GFRA2: variants seen among roughly 807,000 people sequenced by gnomAD.
GFRA2 encodes the protein GDNF family receptor alpha 2.
In GFRA2, 17 loss-of-function variants were observed where a neutral mutation model predicts 48.3. That is an observed-to-expected ratio of 0.35 (90% CI 0.24 to 0.53). GFRA2 has a LOEUF of 0.53. Among genes scored for constraint, GFRA2 ranks in the 20% least tolerant of loss-of-function variants. The pLI is 0.93. For missense variants in GFRA2, 660 were observed against 637.3 expected, an observed-to-expected ratio of 1.04 and a Z score of -0.38; for synonymous variants, 305 against 257.2, an observed-to-expected ratio of 1.19 and a Z score of -1.78.
At chr8:21,794,682 GC>G (rs1468356260) in intron 2 of GFRA2, among the ~76,000 whole-genome samples, 2 of 152,146 alleles carry the variant, frequency 1.3e-5, no homozygotes, top group Non-Finnish European at 2.9e-5. Context: ...CCAGCTAAGT[GC>G]CCTGGGCCTG....
intron 1 of GFRA2, among the ~76,000 whole-genome samples, chr8:21,812,026 A>C (rs1807990443): frequency 6.6e-6 from 1 of 151,218 alleles, no homozygotes; most frequent in South Asian, 2.1e-4. Context: ...GCCATCCCGC[A>C]CTCCCCCCAG....
At chr8:21,713,860 T>A (rs1488045522) in intron 4 of GFRA2, among the ~76,000 whole-genome samples, 2 of 152,184 alleles carry the variant, frequency 1.3e-5, no homozygotes, top group Non-Finnish European at 2.9e-5. Flanking sequence ...GAGCTGGGCT[T>A]GTGGGTACCT....
intron 8 of GFRA2, among the ~76,000 whole-genome samples, chr8:21,694,010 T>C (rs1190514518): frequency 2.1e-5 from 3 of 144,816 alleles, no homozygotes; most frequent in African/African-American, 5.1e-5. Flanking sequence ...ATACATGAGA[T>C]ATATATATTT....
At chr8:21,788,908 A>G, upstream of GFRA2, 1 of 547,394 alleles carries the variant, frequency 1.8e-6, no homozygotes. Context: ...CCCTTCTCCC[A>G]CTCTCCCTGC....
chr8:21,766,672 G>A (rs887999726), intron 3 of GFRA2, among the ~76,000 whole-genome samples: 1 of 131,112 alleles, frequency 7.6e-6, no homozygotes, highest in Admixed American at 7.9e-5. Flanking sequence ...AGGATGAACA[G>A]GGGCCTGGGG....
chr8:21,722,099 G>A (rs566260777), intron 4 of GFRA2, among the ~76,000 whole-genome samples: 2 of 152,216 alleles, frequency 1.3e-5, no homozygotes, highest in Non-Finnish European at 2.9e-5. Flanking sequence ...AAGGATGTGA[G>A]GCTGGGGGTA....
At chr8:21,797,565 A>T (rs1209136604) in intron 2 of GFRA2, 3 of 152,142 alleles carry the variant, frequency 2.0e-5, no homozygotes, top group African/African-American at 7.2e-5. Flanking sequence ...CTATGTTTAC[A>T]TCATCTCCAC....
chr8:21,772,215 G>A (rs1806470238), intron 3 of GFRA2, among the ~76,000 whole-genome samples: 1 of 152,120 alleles, frequency 6.6e-6, no homozygotes, highest in African/African-American at 2.4e-5. Flanking sequence ...ATCTGTGGTG[G>A]GGACTGCATT....
chr8:21,694,315 C>T, intron 8 of GFRA2, 149 bp downstream of exon 8: 3 of 733,182 alleles, frequency 4.1e-6, no homozygotes. Flanking sequence ...CCCACCCCAG[C>T]AGAGTAAGTG....
intron 3 of GFRA2, among the ~76,000 whole-genome samples, chr8:21,759,400 GGA>G (rs1423244304): frequency 0.011 from 1,351 of 126,806 alleles, 24 homozygotes; most frequent in African/African-American, 0.038. Flanking sequence ...AAGAAAGAAA[GGA>G]AGAGAGAGAG....
intron 2 of GFRA2, among the ~76,000 whole-genome samples, chr8:21,799,877 G>A (rs1297034553): frequency 6.6e-6 from 1 of 152,188 alleles, no homozygotes; most frequent in Non-Finnish European, 1.5e-5. Context: ...CTCTCGGGGT[G>A]GGAGATCAAG....
At chr8:21,760,405 A>T (rs780162287) in intron 3 of GFRA2, among the ~76,000 whole-genome samples, 33 of 152,318 alleles carry the variant, frequency 2.2e-4, no homozygotes, top group Non-Finnish European at 3.4e-4. Context: ...CCCATTCTGC[A>T]TATAATTTAG....
chr8:21,761,629 T>C (rs529617708), intron 3 of GFRA2, among the ~76,000 whole-genome samples: 206 of 152,326 alleles, frequency 1.4e-3, no homozygotes, highest in African/African-American at 4.9e-3. Flanking sequence ...CAATCCATAG[T>C]ACACAGGCAA....
At chr8:21,794,326 C>T (rs1026508137) in intron 2 of GFRA2, among the ~76,000 whole-genome samples, 21 of 136,906 alleles carry the variant, frequency 1.5e-4, no homozygotes, top group African/African-American at 4.5e-4. Flanking sequence ...TCTTGGCTTA[C>T]CACAATCTCC....
intron 8 of GFRA2, 139 bp downstream of exon 8, chr8:21,694,325 G>T: frequency 1.3e-6 from 1 of 769,772 alleles, no homozygotes; most frequent in Non-Finnish European, 2.1e-6. Context: ...CAGAGTAAGT[G>T]CCCACCCTGG....
chr8:21,739,235 C>T (rs1289326471), intron 4 of GFRA2, among the ~76,000 whole-genome samples: 1 of 152,132 alleles, frequency 6.6e-6, no homozygotes, highest in Non-Finnish European at 1.5e-5. Context: ...AGTCAATGTC[C>T]TCATTCTGCT....
At chr8:21,728,115 T>A (rs1191262305) in intron 4 of GFRA2, among the ~76,000 whole-genome samples, 1 of 152,058 alleles carries the variant, frequency 6.6e-6, no homozygotes, top group Non-Finnish European at 1.5e-5. Context: ...CAGCACTGAT[T>A]CCAGGTACGG....
intron 4 of GFRA2, among the ~76,000 whole-genome samples, chr8:21,732,126 A>C (rs1032483183): frequency 2.6e-5 from 4 of 152,256 alleles, no homozygotes; most frequent in Non-Finnish European, 5.9e-5. Flanking sequence ...TGCATAGAAC[A>C]TGGTAGACAA....
chr8:21,741,932 A>AAAGAAAGAAAG (rs1554491493), intron 4 of GFRA2, among the ~76,000 whole-genome samples: 40 of 148,850 alleles, frequency 2.7e-4, no homozygotes, highest in African/African-American at 9.5e-4. Context: ...AAAAAAAAAA[A>AAAGAAAGAAAG]AAAGAAAGAA....
Sources: allele counts gnomAD v4.1 joint callset (sites outside exome capture counted in the v4.1 genomes callset), GRCh38; gene constraint gnomAD v4.1.1; transcripts MANE v1.5; gene names NCBI Gene and HGNC (gene_info 2026-07-23, HGNC 2026-07-21).